Variants in KCNJ18 observed in about 807,000 individuals in gnomAD.
KCNJ18 encodes the protein potassium inwardly rectifying channel subfamily J member 18, also known as inward rectifier potassium channel 18.
A neutral mutation model predicts 17.3 loss-of-function variants in KCNJ18; 16 were observed. That is an observed-to-expected ratio of 0.92 (90% CI 0.62 to 1.40). The LOEUF (loss-of-function observed/expected upper bound fraction) is 1.40, where lower values mean the gene tolerates loss of function less well. KCNJ18 is among the 40% of genes most tolerant of loss of function. The pLI is 0.00. For synonymous variants in KCNJ18, 185 were observed against 262.6 expected (o/e 0.70, Z 2.86); for missense variants, 462 against 626.8 (o/e 0.74, Z 2.81).
At chr17:21,702,371 G>A (rs1447958440) in intron 2 of KCNJ18, among the ~76,000 whole-genome samples, 211 of 152,198 alleles carry the variant, frequency 1.4e-3, no homozygotes, top group East Asian at 8.5e-3. Flanking sequence ...GGAGACTGGG[G>A]GGCCATCGGC....
At chr17:21,693,137 A>G (rs1227502950) in intron 1 of KCNJ18, among the ~76,000 whole-genome samples, 4 of 152,422 alleles carry the variant, frequency 2.6e-5, no homozygotes, top group African/African-American at 4.8e-5. Context: ...CATTTGTGGG[A>G]CTTGGCGGGG....
At chr17:21,700,023 G>C (rs1174060187) in intron 2 of KCNJ18, among the ~76,000 whole-genome samples, 1 of 152,284 alleles carries the variant, frequency 6.6e-6, no homozygotes, top group African/African-American at 2.4e-5. Flanking sequence ...TGAGTGCCCC[G>C]GCCCTGGCTG....
intron 2 of KCNJ18, among the ~76,000 whole-genome samples, chr17:21,697,594 G>A (rs1415741781): frequency 2.0e-5 from 3 of 152,250 alleles, no homozygotes; most frequent in Admixed American, 6.5e-5. Context: ...CCTGGCTCTG[G>A]CAGTGTCCCC....
chr17:21,696,433 C>T (rs1267662030), intron 2 of KCNJ18, among the ~76,000 whole-genome samples: 6 of 152,196 alleles, frequency 3.9e-5, no homozygotes, highest in Admixed American at 2.0e-4. Flanking sequence ...TTTATCCACC[C>T]ATCTGCCTGA....
intron 2 of KCNJ18, among the ~76,000 whole-genome samples, chr17:21,699,491 T>A (rs1433750114): frequency 0.34 from 50,174 of 147,160 alleles, 4,790 homozygotes; most frequent in East Asian, 0.6. Flanking sequence ...TCTCTCTCTC[T>A]CACACACACA....
intron 1 of KCNJ18, among the ~76,000 whole-genome samples, chr17:21,695,682 T>C (rs1383977096): frequency 6.6e-6 from 1 of 152,302 alleles, no homozygotes; most frequent in Non-Finnish European, 1.5e-5. Context: ...GTGAGGATTA[T>C]GTGAGATGAT....
Position 21,703,630 on chromosome 17 carries a change from G to T in KCNJ18, c.844G>T (p.Gly282Cys), listed in dbSNP as rs1391858548. The change falls in exon 3 of 3, where the codon GGC becomes TGC. Residue 282 changes from glycine to cysteine, a missense_variant. Gly to Cys is a radical substitution (Grantham distance 159). This residue lies in a region of KCNJ18 where 55 missense variants were observed against 69.1 expected (regional missense o/e 0.80). Coordinates refer to ENST00000567955, the MANE Select transcript of KCNJ18 (RefSeq NM_001194958.2). ...HEIDEASPLFGISRQDLETDD... is the reference protein window; with the variant it reads ...HEIDEASPLFCISRQDLETDD... Reference sequence around the variant, plus strand: ...AATTGACGAGGCCAGCCCGCTCTTCGGCATCAGCCGGCAGGACCTGGAGAC... The same window carrying T: ...AATTGACGAGGCCAGCCCGCTCTTCTGCATCAGCCGGCAGGACCTGGAGAC... 5 of 1,610,200 alleles carry T rather than the reference G, an allele frequency of 3.1e-6. No individual in the cohort carries two copies. Among genetic ancestry groups the T allele is most frequent in the African/African-American group, 1.3e-5 (1 of 74,670 alleles).
chr17:21,702,966 G>A lies in KCNJ18; in HGVS notation c.180G>A (p.Met60Ile). ...AGTGCAACATTGCGTTCGCCAACAT[G>A]GACGAGAAGTCACAGCGCTACCTGG... ...NGQCNIAFAN[M>I]DEKSQRYLAD... is the part of the protein sequence containing the mutation. The change falls in exon 3 of 3, where the codon ATG (methionine) becomes ATA (isoleucine). Residue 60 changes from methionine (M) to isoleucine (I), a missense_variant. Physicochemically the swap from Met to Ile is conservative, Grantham distance 10. This residue lies in a region of KCNJ18 where 237 missense variants were observed against 259.4 expected (regional missense o/e 0.91). Transcript: ENST00000567955. 5 of 1,595,054 alleles carry A rather than the reference G, an allele frequency of 3.1e-6. No individual in the cohort carries two copies. The highest frequency in any genetic ancestry group is 4.3e-6 in the Non-Finnish European group (5 of 1,172,686).
At position 21,703,431 on chromosome 17, in the gene KCNJ18, G is replaced by A. The variant is rs1163998500; in HGVS notation, c.645G>A (p.Val215=). 2 of 1,613,084 alleles carry A rather than the reference G, an allele frequency of 1.2e-6. No individual in the cohort carries two copies. Among genetic ancestry groups the A allele is most frequent in the African/African-American group, 1.3e-5 (1 of 74,948 alleles). ...GCAAGCTCTGCCTCATGTGGCGTGT[G>A]GGCAACCTGCGCAAGAGCCACATTG... ...RDGKLCLMWR[V]GNLRKSHIVE... The change falls in exon 3 of 3, where the codon GTG becomes GTA. Residue 215 remains valine (V), a synonymous_variant. Transcript: ENST00000567955.
rs1229421838 is a variant in KCNJ18 at position 21,704,138 on chromosome 17, C to T, written c.*50C>T. 1.2e-5 allele frequency: 17 copies of T among 1,477,194 alleles called. 1 individual carries two copies. The East Asian group carries it at 1.5e-4, about 13-fold the overall frequency. The allele number at this position is 1,477,194 out of a possible 1,614,324, so 91.5% of individuals were successfully genotyped here. A position where few individuals can be genotyped will look rare whatever the true frequency, so the allele number is the denominator to read the frequency against. Reference sequence around the variant, plus strand: ...TCCACCCCTGGCCGGGGAGAGGCCCCGCGGTCGCTCAGGGGCCCTGGGTTT... The same window carrying T: ...TCCACCCCTGGCCGGGGAGAGGCCCTGCGGTCGCTCAGGGGCCCTGGGTTT... On this transcript the variant is annotated 3_prime_UTR_variant, in exon 3 of 3. Transcript: ENST00000567955.
At chr17:21,693,999 G>A (rs1167887096) in intron 1 of KCNJ18, among the ~76,000 whole-genome samples, 81 of 152,274 alleles carry the variant, frequency 5.3e-4, no homozygotes, top group African/African-American at 1.7e-3. Flanking sequence ...AGACCAGGCA[G>A]GCCATCCCAT....
intron 1 of KCNJ18, among the ~76,000 whole-genome samples, chr17:21,694,586 A>G (rs1474714362): frequency 5.8e-4 from 87 of 149,926 alleles, no homozygotes; most frequent in African/African-American, 2.0e-3. Flanking sequence ...CCACCCATCC[A>G]TCTATCCATC....
rs1190891970 is a variant in KCNJ18 at position 21,703,605 on chromosome 17, A to C, written c.819A>C (p.Glu273Asp). The change falls in exon 3 of 3, where the codon GAA becomes GAC. Residue 273 changes from glutamate to aspartate, a missense_variant. By Grantham distance (45) the Glu-to-Asp change is conservative. Transcript: ENST00000567955. The stretch of plus-strand genomic sequence containing the variant: ...TGTCGCCCATCACCATCTTGCATGA[A>C]ATTGACGAGGCCAGCCCGCTCTTCG... ...FLVSPITILH[E>D]IDEASPLFGI... The C allele has an allele frequency of 5.7e-5, 92 of 1,609,854 alleles. 1 individual carries two copies. Among genetic ancestry groups the C allele is most frequent in the African/African-American group, 5.6e-4 (41 of 73,054 alleles).
chr17:21,704,524 C>CAAA lies in KCNJ18; in HGVS notation c.*448_*450dup. On this transcript the variant is annotated 3_prime_UTR_variant, in exon 3 of 3. Coordinates refer to ENST00000567955, the MANE Select transcript of KCNJ18 (RefSeq NM_001194958.2). ...ACCTTAGCTTGGGTGAGACTGTTTA[C>CAAA]AAAAAAAAAAAAAACCATGCAATTG... The CAAA allele has an allele frequency of 1.7e-5, 2 of 115,872 alleles. No homozygotes were observed. The highest frequency in any genetic ancestry group is 1.9e-5 in the Non-Finnish European group (1 of 53,308). The allele number at this position is 115,872 out of a possible 1,614,324, so 7.2% of individuals were successfully genotyped here.
At chr17:21,693,892 G>A (rs1483407841) in intron 1 of KCNJ18, among the ~76,000 whole-genome samples, 9 of 152,316 alleles carry the variant, frequency 5.9e-5, no homozygotes, top group South Asian at 2.1e-4. Context: ...GCAAAGTGTA[G>A]GCCTGTGGCT....
chr17:21,692,839 G>C (rs1412007304), intron 1 of KCNJ18, 125 bp downstream of exon 1: 44 of 152,528 alleles, frequency 2.9e-4, no homozygotes, highest in African/African-American at 9.9e-4. Flanking sequence ...GCGAGGCCCA[G>C]TGCCCGGACT....
At chr17:21,695,199 TCATCCATC>T (rs1172981300) in intron 1 of KCNJ18, among the ~76,000 whole-genome samples, 2 of 147,134 alleles carry the variant, frequency 1.4e-5, no homozygotes, top group African/African-American at 5.0e-5. Context: ...ATCCATCCAT[TCATCCATC>T]CATCCATCCA....
chr17:21,699,991 C>T (rs1905891911), intron 2 of KCNJ18, among the ~76,000 whole-genome samples: 1 of 152,292 alleles, frequency 6.6e-6, no homozygotes, highest in Admixed American at 6.5e-5. Context: ...CCCCTGTCAG[C>T]TGGTGGCCTC....
chr17:21,697,615 C>T (rs1415426728), intron 2 of KCNJ18, among the ~76,000 whole-genome samples: 1 of 152,312 alleles, frequency 6.6e-6, no homozygotes, highest in Non-Finnish European at 1.5e-5. Context: ...CAGCAGTGCC[C>T]CTCCTGGCTG....
Sources: gnomAD v4.1 joint callset for allele counts (sites outside exome capture counted in the v4.1 genomes callset) on GRCh38, gnomAD v4.1.1 for gene constraint, gnomAD v4.1.1 regional missense constraint, MANE v1.5 for transcripts, NCBI Gene and HGNC (gene_info 2026-07-23, HGNC 2026-07-21) for gene names.